ERBIN: variants seen among roughly 807,000 people sequenced by gnomAD.
ERBIN encodes the protein densin-180-like protein.
ERBIN carries 60 observed loss-of-function variants against 158.4 expected under a neutral mutation model. The ratio of observed to expected loss-of-function variants is 0.38; its 90% CI spans 0.31 to 0.47. ERBIN has a LOEUF of 0.47. ERBIN is among the 20% of genes least tolerant of loss of function. The probability of loss-of-function intolerance (pLI) is 0.99; values close to 1 mark genes in which losing one functional copy is unlikely to be tolerated. For synonymous variants in ERBIN, 594 were observed against 557.2 expected, an observed-to-expected ratio of 1.07 and a Z score of -0.93; for missense variants, 1,610 against 1,648.0, an observed-to-expected ratio of 0.98 and a Z score of 0.40.
At chr5:66,004,634 C>T (rs1753390199) in intron 4 of ERBIN, among the ~76,000 whole-genome samples, 3 of 152,182 alleles carry the variant, frequency 2.0e-5, no homozygotes, top group Admixed American at 6.5e-5. Flanking sequence ...AAATTGTGAC[C>T]TCAAATGATC....
At chr5:66,046,650 C>T in intron 18 of ERBIN, 112 bp downstream of exon 18, 2 of 856,906 alleles carry the variant, frequency 2.3e-6, no homozygotes, top group Non-Finnish European at 3.4e-6. Flanking sequence ...ATGCATTCAT[C>T]ATTGAGAAAT....
intron 21 of ERBIN, among the ~76,000 whole-genome samples, chr5:66,070,692 G>T (rs1210043089): frequency 6.6e-6 from 1 of 152,156 alleles, no homozygotes; most frequent in East Asian, 1.9e-4. Context: ...CAAAAAGGGA[G>T]AAGGAAAATA....
intron 21 of ERBIN, among the ~76,000 whole-genome samples, chr5:66,063,985 A>G (rs1030646298): frequency 3.9e-5 from 6 of 152,338 alleles, no homozygotes; most frequent in Admixed American, 3.9e-4. Flanking sequence ...AGTTCAGAAG[A>G]TTATTTCATA....
intron 14 of ERBIN, among the ~76,000 whole-genome samples, chr5:66,028,602 A>G (rs1756520974): frequency 6.6e-6 from 1 of 152,172 alleles, no homozygotes; most frequent in Non-Finnish European, 1.5e-5. Context: ...AGGAAATCAG[A>G]CTCAAACTCT....
chr5:65,977,764 G>T (rs1750155798), intron 1 of ERBIN, among the ~76,000 whole-genome samples: 1 of 152,244 alleles, frequency 6.6e-6, no homozygotes, highest in South Asian at 2.1e-4. Flanking sequence ...TGGCGGCCGG[G>T]CAGAGGCTGC....
At chr5:66,058,417 T>C (rs527588414) in intron 21 of ERBIN, among the ~76,000 whole-genome samples, 126 of 152,182 alleles carry the variant, frequency 8.3e-4, no homozygotes, top group East Asian at 7.7e-3. Context: ...TTGAGTTCAT[T>C]GTAGATTCTG....
At chr5:65,981,898 G>GTGTT (rs1453456652) in intron 1 of ERBIN, among the ~76,000 whole-genome samples, 4 of 152,190 alleles carry the variant, frequency 2.6e-5, no homozygotes, top group Non-Finnish European at 5.9e-5. Context: ...TTGAGTTGAT[G>GTGTT]TAAACAAGTC....
intron 1 of ERBIN, among the ~76,000 whole-genome samples, chr5:65,942,636 G>C (rs1745196775): frequency 6.6e-6 from 1 of 152,124 alleles, no homozygotes; most frequent in African/African-American, 2.4e-5. Flanking sequence ...TTAAAAAATA[G>C]ACTTAAGGCT....
Position 66,058,219 on chromosome 5 carries a change from T to C in ERBIN, c.3633+3268T>C, listed in dbSNP as rs529682904. ...CTGTTGTTTCCTGACTTTTTAATGATTGCCATTCTAACTGGTGTGAGATGG... is the reference window on the plus strand; with the variant it reads ...CTGTTGTTTCCTGACTTTTTAATGACTGCCATTCTAACTGGTGTGAGATGG... On this transcript the variant is annotated intron_variant, in intron 21 of 25. Transcript: ENST00000284037. Among the ~76,000 whole-genome samples, 140 of 151,628 alleles carry C rather than the reference T, an allele frequency of 9.2e-4. 1 individual carries two copies. The highest frequency in any genetic ancestry group is 1.7e-3 in the Non-Finnish European group (116 of 67,982).
chr5:65,931,231 C>T (rs1179424477), intron 1 of ERBIN, among the ~76,000 whole-genome samples: 4 of 152,286 alleles, frequency 2.6e-5, no homozygotes, highest in Middle Eastern at 3.4e-3. Flanking sequence ...ATTCAGAGCC[C>T]ATTTACTTAT....
In ERBIN at chr5:66,075,051, C is replaced by G. The variant is rs1561460978; in HGVS notation, c.3784C>G (p.Gln1262Glu). The G allele has an allele frequency of 6.2e-7, 1 of 1,614,098 alleles. No homozygotes were observed. The highest frequency in any genetic ancestry group is 8.5e-7 in the Non-Finnish European group (1 of 1,180,006). The change falls in exon 23 of 26, where the codon CAG becomes GAG. Residue 1262 changes from glutamine to glutamate, a missense_variant. Coordinates refer to ENST00000284037, the MANE Select transcript of ERBIN (RefSeq NM_001253697.2). ...GCCTTTGAGTAATGGACAGATGGGCCAGCCTCTCAGGCCTCAGGCAAATTA... is the reference window on the plus strand; with the variant it reads ...GCCTTTGAGTAATGGACAGATGGGCGAGCCTCTCAGGCCTCAGGCAAATTA... ...KMPLSNGQMG[Q>E]PLRPQANYSQ...
chr5:66,069,067 A>C (rs1260082739), intron 21 of ERBIN: 2 of 1,401,828 alleles, frequency 1.4e-6, no homozygotes, highest in East Asian at 5.3e-5. Flanking sequence ...AGAAGAGAAA[A>C]CCCCAAATTT....
At position 65,976,418 on chromosome 5, in the gene ERBIN, A is replaced by G. The variant is rs113949141; in HGVS notation, c.-57-12217A>G. On this transcript the variant is annotated intron_variant, in intron 1 of 25. Coordinates refer to ENST00000284037, the MANE Select transcript of ERBIN (RefSeq NM_001253697.2). ...AACCCGGGAGGCAGAGGTTGCAGTG[A>G]GCTGAGATCGCACCACTGTACTCCA... Among the ~76,000 whole-genome samples, 51 of 152,272 alleles carry G rather than the reference A, an allele frequency of 3.3e-4. 3 individuals are homozygous for G. Among genetic ancestry groups the G allele is most frequent in the African/African-American group, 1.0e-3 (42 of 41,546 alleles).
chr5:65,964,619 A>G (rs1323846541), intron 1 of ERBIN, among the ~76,000 whole-genome samples: 1 of 152,206 alleles, frequency 6.6e-6, no homozygotes, highest in African/African-American at 2.4e-5. Flanking sequence ...CAATAATAAT[A>G]ATGATAGCCA....
At chr5:66,027,057 C>G (rs1381401730) in intron 13 of ERBIN, among the ~76,000 whole-genome samples, 4 of 151,908 alleles carry the variant, frequency 2.6e-5, no homozygotes, top group Non-Finnish European at 5.9e-5. Flanking sequence ...GTGAGGTAAA[C>G]ATACTAATGA....
chr5:65,934,638 C>T (rs1044342715), intron 1 of ERBIN, among the ~76,000 whole-genome samples: 3 of 152,072 alleles, frequency 2.0e-5, no homozygotes, highest in African/African-American at 7.2e-5. Flanking sequence ...TCAGTGTGTC[C>T]TATTATGGTA....
intron 1 of ERBIN, among the ~76,000 whole-genome samples, chr5:65,938,178 G>T (rs1386667175): frequency 6.6e-6 from 1 of 151,964 alleles, no homozygotes; most frequent in Admixed American, 6.6e-5. Flanking sequence ...TGGAGGGAGG[G>T]CAAGGGCTTC....
chr5:66,004,947 C>T (rs902279853), intron 4 of ERBIN, among the ~76,000 whole-genome samples: 1 of 152,138 alleles, frequency 6.6e-6, no homozygotes, highest in African/African-American at 2.4e-5. Context: ...TGGGGATTTA[C>T]AGGAGCAGCT....
chr5:66,035,109 T>C (rs907541355), intron 14 of ERBIN, among the ~76,000 whole-genome samples: 3 of 152,216 alleles, frequency 2.0e-5, no homozygotes, highest in Non-Finnish European at 2.9e-5. Flanking sequence ...ATATTTGTTC[T>C]GCCTGTGCCT....
Sources: gnomAD v4.1 joint callset for allele counts (sites outside exome capture counted in the v4.1 genomes callset) on GRCh38, gnomAD v4.1.1 for gene constraint, MANE v1.5 for transcripts, NCBI Gene and HGNC (gene_info 2026-07-23, HGNC 2026-07-21) for gene names.